Variants in WDR72 observed in about 807,000 individuals in gnomAD.
WDR72 encodes the protein WD repeat-containing protein 72.
WDR72 carries 120 observed loss-of-function variants against 124.2 expected under a neutral mutation model. The ratio of observed to expected loss-of-function variants is 0.97; its 90% CI spans 0.83 to 1.12. The LOEUF is 1.12. WDR72 is among the 50% of genes most tolerant of loss of function. The pLI, the probability that WDR72 is intolerant of heterozygous loss-of-function variation, is 0.00. For missense variants in WDR72, 1,387 were observed against 1,278.8 expected, an observed-to-expected ratio of 1.08 and a Z score of -1.29; for synonymous variants, 452 against 441.7, an observed-to-expected ratio of 1.02 and a Z score of -0.29.
chr15:53,688,581 A>G (rs2016726986), intron 13 of WDR72, among the ~76,000 whole-genome samples: 1 of 152,188 alleles, frequency 6.6e-6, no homozygotes, highest in Admixed American at 6.5e-5. Context: ...AACAAATGGA[A>G]GAACATTCCA....
chr15:53,718,971 T>G (rs1359554899), intron 3 of WDR72, among the ~76,000 whole-genome samples: 1 of 152,052 alleles, frequency 6.6e-6, no homozygotes, highest in African/African-American at 2.4e-5. Flanking sequence ...AAAAGGGGAA[T>G]TTTTTGGTCT....
intron 14 of WDR72, among the ~76,000 whole-genome samples, chr15:53,618,876 G>T (rs1338229437): frequency 6.6e-6 from 1 of 151,956 alleles, no homozygotes; most frequent in African/African-American, 2.4e-5. Context: ...CTCTGATCAG[G>T]TATTTGCCAA....
chr15:53,518,530 C>T (rs1324847713), intron 19 of WDR72, among the ~76,000 whole-genome samples: 2 of 151,932 alleles, frequency 1.3e-5, no homozygotes, highest in African/African-American at 2.4e-5. Context: ...AAAAACAACT[C>T]GAAGAAAGTG....
rs186030369 is a variant in WDR72, at chr15:53,686,325, G to A, written c.1765+13425C>T. The stretch of plus-strand genomic sequence containing the variant: ...TGTATTCAGAAGACCCATCTCACGT[G>A]CAGAGACACACATAGGCTCAAAATA... On this transcript the variant is annotated intron_variant, in intron 13 of 19. Transcript: ENST00000360509. Among the ~76,000 whole-genome samples the A allele has an allele frequency of 6.1e-3, 931 of 152,206 alleles. 37 individuals are homozygous for A. Among genetic ancestry groups the A allele is most frequent in the Admixed American group, 0.057 (865 of 15,284 alleles).
chr15:53,612,297 G>T (rs1460147348), intron 16 of WDR72, among the ~76,000 whole-genome samples: 3 of 152,110 alleles, frequency 2.0e-5, no homozygotes, highest in African/African-American at 7.2e-5. Context: ...CTTCTATGGA[G>T]CTTACAACTT....
chr15:53,540,842 G>A (rs115625843), intron 18 of WDR72: 5,901 of 154,622 alleles, frequency 0.038, 310 homozygotes, highest in African/African-American at 0.12. Context: ...GAAGCCCAAC[G>A]GTCAGGGAGT....
intron 19 of WDR72, among the ~76,000 whole-genome samples, chr15:53,519,565 T>C (rs146965618): frequency 1.1e-3 from 167 of 152,228 alleles, no homozygotes; most frequent in African/African-American, 4.0e-3. Context: ...GAAAACTCTT[T>C]GCTAATGAAT....
intron 19 of WDR72, among the ~76,000 whole-genome samples, chr15:53,522,121 A>G (rs1488510503): frequency 1.3e-5 from 2 of 152,074 alleles, no homozygotes; most frequent in Admixed American, 6.6e-5. Flanking sequence ...ATACAATGCC[A>G]TCGCCACTGC....
intron 14 of WDR72, among the ~76,000 whole-genome samples, chr15:53,643,710 A>C (rs2014937616): frequency 6.6e-6 from 1 of 152,034 alleles, no homozygotes; most frequent in Admixed American, 6.6e-5. Context: ...CTTAAGTTAA[A>C]AACTGAAACG....
intron 17 of WDR72, among the ~76,000 whole-genome samples, chr15:53,599,834 G>A (rs1282893739): frequency 3.9e-5 from 6 of 151,974 alleles, no homozygotes; most frequent in Middle Eastern, 3.2e-3. Flanking sequence ...CTAATTATTT[G>A]ATTTACATGT....
intron 14 of WDR72, among the ~76,000 whole-genome samples, chr15:53,622,854 C>T (rs2014053991): frequency 6.6e-6 from 1 of 152,004 alleles, no homozygotes; most frequent in Non-Finnish European, 1.5e-5. Flanking sequence ...ATATGACTAG[C>T]CAAATATTTT....
chr15:53,551,158 A>G (rs1893712103), intron 18 of WDR72, among the ~76,000 whole-genome samples: 1 of 152,096 alleles, frequency 6.6e-6, no homozygotes, highest in Admixed American at 6.6e-5. Context: ...CTGAGGCAAG[A>G]AGGAGCTTGG....
chr15:53,688,079 A>T (rs1275381825), intron 13 of WDR72, among the ~76,000 whole-genome samples: 1 of 147,564 alleles, frequency 6.8e-6, no homozygotes, highest in Non-Finnish European at 1.5e-5. Context: ...AATAAGAGCT[A>T]TCTATGACAA....
chr15:53,570,330 T>C (rs1015462058), intron 18 of WDR72, among the ~76,000 whole-genome samples: 1 of 151,730 alleles, frequency 6.6e-6, no homozygotes, highest in South Asian at 2.1e-4. Flanking sequence ...ATACAATACA[T>C]TGTTCTTAGC....
intron 2 of WDR72, among the ~76,000 whole-genome samples, chr15:53,724,665 G>A (rs533832030): frequency 6.6e-6 from 1 of 152,018 alleles, no homozygotes; most frequent in Admixed American, 6.6e-5. Context: ...CCTCCCACGG[G>A]GTCCCTCCCA....
chr15:53,609,505 T>C lies in WDR72; in HGVS notation c.2952+8A>G. Reference sequence around the variant, plus strand: ...CTAATAACGTCATGAATGTGAATTATATCATACCTGCACAGACTGGTCTCT... The same window carrying C: ...CTAATAACGTCATGAATGTGAATTACATCATACCTGCACAGACTGGTCTCT... On this transcript the variant is annotated splice_region_variant and intron_variant, in intron 17 of 19. Transcript: ENST00000360509. 2 of 1,612,052 alleles carry C rather than the reference T, an allele frequency of 1.2e-6. No homozygotes were observed. Among genetic ancestry groups the C allele is most frequent in the Middle Eastern group, 1.7e-4 (1 of 6,056 alleles).
chr15:53,535,519 A>C (rs769958548), intron 18 of WDR72, among the ~76,000 whole-genome samples: 1 of 152,124 alleles, frequency 6.6e-6, no homozygotes, highest in South Asian at 2.1e-4. Context: ...TAAAACCCTA[A>C]AGGTCTTAGA....
intron 14 of WDR72, among the ~76,000 whole-genome samples, chr15:53,635,746 A>G (rs1397326181): frequency 6.6e-6 from 1 of 152,158 alleles, no homozygotes; most frequent in African/African-American, 2.4e-5. Context: ...TACAATTCTT[A>G]GTACCTGGGT....
At chr15:53,525,208 A>G (rs1892047569) in intron 18 of WDR72, among the ~76,000 whole-genome samples, 1 of 152,092 alleles carries the variant, frequency 6.6e-6, no homozygotes, top group South Asian at 2.1e-4. Flanking sequence ...AGTTAAATGT[A>G]TCAGTTTCAT....
Sources: gnomAD v4.1 joint callset for allele counts (sites outside exome capture counted in the v4.1 genomes callset) on GRCh38, gnomAD v4.1.1 for gene constraint, MANE v1.5 for transcripts, NCBI Gene and HGNC (gene_info 2026-07-23, HGNC 2026-07-21) for gene names.